QRFPR: variants seen among roughly 807,000 people sequenced by gnomAD.
QRFPR encodes pyroglutamylated RFamide peptide receptor, also known as pyroglutamylated RF-amide peptide receptor.
A neutral mutation model predicts 31.3 loss-of-function variants in QRFPR; 37 were observed. The observed-to-expected ratio is 1.18, with a 90% CI of 0.91 to 1.56. QRFPR has a LOEUF of 1.56. Among genes scored for constraint, QRFPR ranks in the 40% most tolerant of loss-of-function variants. The pLI, the probability that QRFPR is intolerant of heterozygous loss-of-function variation, is 0.00. For missense variants in QRFPR, 542 were observed against 532.5 expected (o/e 1.02, Z -0.18); for synonymous variants, 197 against 192.0 (o/e 1.03, Z -0.22).
At chr4:121,375,489 G>A (rs1422542120) in intron 1 of QRFPR, among the ~76,000 whole-genome samples, 3 of 152,174 alleles carry the variant, frequency 2.0e-5, no homozygotes, top group African/African-American at 7.2e-5. Flanking sequence ...CTGAATACAG[G>A]AATGACTCAT....
rs1188909943 is a variant in QRFPR, at chr4:121,336,819, C to T, written c.549G>A (p.Val183=). 7 of 1,613,448 alleles carry T rather than the reference C, an allele frequency of 4.3e-6. No homozygotes were observed. ...AVIVGSPMWH[V]QQLEIKYDFL... is the part of the protein sequence containing the mutation. ...AACTGGAGTCTACCTCAAGTTGTTG[C>T]ACGTGCCACATGGGTGATCCTACGA... The change falls in exon 3 of 6, where the codon GTG becomes GTA. Residue 183 remains valine (V), a synonymous_variant. Coordinates refer to ENST00000394427, the MANE Select transcript of QRFPR (RefSeq NM_198179.3).
At chr4:121,362,589 G>A (rs971229422) in intron 1 of QRFPR, among the ~76,000 whole-genome samples, 1 of 150,152 alleles carries the variant, frequency 6.7e-6, no homozygotes, top group South Asian at 2.1e-4. Context: ...TTAAAGCTAC[G>A]TTAATCAAGA....
chr4:121,333,314 T>C (rs958983583), intron 3 of QRFPR, among the ~76,000 whole-genome samples: 3 of 152,222 alleles, frequency 2.0e-5, no homozygotes, highest in Admixed American at 1.3e-4. Context: ...TTTACTTTCA[T>C]TTATTGTCTT....
chr4:121,358,510 ATATTT>A (rs1358344162), intron 1 of QRFPR, among the ~76,000 whole-genome samples: 1 of 152,086 alleles, frequency 6.6e-6, no homozygotes, highest in African/African-American at 2.4e-5. Context: ...ACTTCCATAC[ATATTT>A]TATTTATTAA....
At chr4:121,380,229 G>A (rs1726456719) in intron 1 of QRFPR, 79 bp downstream of exon 1, 1 of 984,280 alleles carries the variant, frequency 1.0e-6, no homozygotes, top group African/African-American at 1.7e-5. Flanking sequence ...GAGAGAGAGA[G>A]AGAGAGAGAG....
intron 1 of QRFPR, among the ~76,000 whole-genome samples, chr4:121,341,879 T>C (rs1725549900): frequency 6.6e-6 from 1 of 152,136 alleles, no homozygotes. Flanking sequence ...CTTTTTCTGC[T>C]CCTTGGAATG....
rs1349183406 is a variant in QRFPR, at chr4:121,329,606, A to G, written c.1004T>C (p.Met335Thr). 6.2e-7 allele frequency: 1 copy of G among 1,613,436 alleles called. No individual in the cohort carries two copies. Among genetic ancestry groups the G allele is most frequent in the Admixed American group, 1.7e-5 (1 of 59,954 alleles). Residue 335 changes from methionine to threonine, a missense_variant, in exon 6 of 6, where the codon ATG becomes ACG. Transcript: ENST00000394427. ...AACATTTTTTTTGAAGTTTTCATTC[A>G]TAAATGCATAGACAATGGGATTACA... ...SICNPIVYAFMNENFKKNVLS... is the reference protein window; with the variant it reads ...SICNPIVYAFTNENFKKNVLS...
chr4:121,338,536 C>T (rs764200843), intron 2 of QRFPR, among the ~76,000 whole-genome samples: 3 of 152,188 alleles, frequency 2.0e-5, no homozygotes, highest in Admixed American at 6.5e-5. Context: ...CATCAGCAAT[C>T]GTTAGTGTTA....
At chr4:121,368,972 T>G (rs1373366480) in intron 1 of QRFPR, among the ~76,000 whole-genome samples, 1 of 151,872 alleles carries the variant, frequency 6.6e-6, no homozygotes, top group African/African-American at 2.4e-5. Flanking sequence ...GTATCAATAT[T>G]TCTCAAAAAC....
chr4:121,362,420 T>C (rs550336368), intron 1 of QRFPR, among the ~76,000 whole-genome samples: 1 of 150,186 alleles, frequency 6.7e-6, no homozygotes, highest in South Asian at 2.1e-4. Flanking sequence ...TTTGGCATGT[T>C]GACGTAAGAA....
intron 1 of QRFPR, among the ~76,000 whole-genome samples, chr4:121,357,439 G>A (rs566052358): frequency 1.2e-4 from 19 of 152,182 alleles, no homozygotes; most frequent in South Asian, 2.1e-4. Flanking sequence ...ATTTAAAGCC[G>A]TAACCAGGAA....
chr4:121,365,826 A>C (rs1295022072), intron 1 of QRFPR, among the ~76,000 whole-genome samples: 1 of 142,744 alleles, frequency 7.0e-6, no homozygotes, highest in Non-Finnish European at 1.5e-5. Context: ...GAATTTTTTT[A>C]AAACCAAGCA....
chr4:121,371,676 C>T (rs151100505), intron 1 of QRFPR, among the ~76,000 whole-genome samples: 1 of 152,174 alleles, frequency 6.6e-6, no homozygotes, highest in African/African-American at 2.4e-5. Context: ...GATCGGGGAG[C>T]TTTAGTCCCT....
intron 2 of QRFPR, among the ~76,000 whole-genome samples, chr4:121,339,105 C>T (rs1348086438): frequency 6.6e-6 from 1 of 152,204 alleles, no homozygotes; most frequent in African/African-American, 2.4e-5. Flanking sequence ...TTTAAAATGA[C>T]TTTGGCATTG....
chr4:121,343,699 T>C (rs1352029466), intron 1 of QRFPR, among the ~76,000 whole-genome samples: 3 of 152,204 alleles, frequency 2.0e-5, no homozygotes, highest in African/African-American at 7.2e-5. Flanking sequence ...ACTTTTTCTA[T>C]TGAGAAGAAC....
At chr4:121,376,355 T>A (rs1726352544) in intron 1 of QRFPR, among the ~76,000 whole-genome samples, 1 of 152,206 alleles carries the variant, frequency 6.6e-6, no homozygotes, top group Non-Finnish European at 1.5e-5. Context: ...CTTGCCTCCA[T>A]GCTGGGCACA....
chr4:121,354,189 C>G (rs1455932217), intron 1 of QRFPR, among the ~76,000 whole-genome samples: 2 of 152,066 alleles, frequency 1.3e-5, no homozygotes, highest in Admixed American at 1.3e-4. Flanking sequence ...TTTGGCTATT[C>G]TGGATCTTTT....
intron 3 of QRFPR, 77 bp from the exon 4 acceptor site, chr4:121,333,133 A>T (rs1725367698): frequency 1.1e-6 from 1 of 886,200 alleles, no homozygotes; most frequent in Non-Finnish European, 1.8e-6. Context: ...TATTATTGCA[A>T]CACAACATTT....
At chr4:121,357,050 T>C (rs947969894) in intron 1 of QRFPR, among the ~76,000 whole-genome samples, 17 of 152,154 alleles carry the variant, frequency 1.1e-4, no homozygotes, top group African/African-American at 3.9e-4. Flanking sequence ...ACAGGGTGTT[T>C]GTATTAGTTT....
Sources: allele counts gnomAD v4.1 joint callset (sites outside exome capture counted in the v4.1 genomes callset), GRCh38; gene constraint gnomAD v4.1.1; transcripts MANE v1.5; gene names NCBI Gene and HGNC (gene_info 2026-07-23, HGNC 2026-07-21).